Variants in EAF2 observed in about 807,000 individuals in gnomAD.
The protein encoded by EAF2 is ELL-associated factor 2.
A neutral mutation model predicts 29.4 loss-of-function variants in EAF2; 29 were observed. The observed-to-expected ratio is 0.99, with a 90% CI of 0.73 to 1.35. The LOEUF (loss-of-function observed/expected upper bound fraction) is 1.35. Among genes scored for constraint, EAF2 ranks in the 40% most tolerant of loss-of-function variants. EAF2 has a pLI of 0.00. For synonymous variants in EAF2, 103 were observed against 102.5 expected, an observed-to-expected ratio of 1.00 and a Z score of -0.03; for missense variants, 292 against 312.0, an observed-to-expected ratio of 0.94 and a Z score of 0.48.
intron 2 of EAF2, among the ~76,000 whole-genome samples, chr3:121,847,648 G>C (rs116120349): frequency 0.028 from 4,260 of 152,174 alleles, 70 homozygotes; most frequent in Non-Finnish European, 0.043. Flanking sequence ...TGGGGAGAGG[G>C]GGGGAGGAAG....
intron 4 of EAF2, among the ~76,000 whole-genome samples, chr3:121,860,410 G>A (rs1708805340): frequency 6.6e-6 from 1 of 152,124 alleles, no homozygotes; most frequent in South Asian, 2.1e-4. Flanking sequence ...GGGTGTATGT[G>A]TCCAGGAATT....
intron 4 of EAF2, among the ~76,000 whole-genome samples, chr3:121,867,079 G>T (rs1708939432): frequency 6.6e-6 from 1 of 152,192 alleles, no homozygotes; most frequent in African/African-American, 2.4e-5. Context: ...CAGTTTACTT[G>T]TGGATGTATA....
intron 4 of EAF2, among the ~76,000 whole-genome samples, chr3:121,870,099 T>C (rs931825056): frequency 2.6e-5 from 4 of 151,846 alleles, no homozygotes; most frequent in African/African-American, 9.7e-5. Context: ...TACCAAACAT[T>C]TAAAGAGAAT....
intron 2 of EAF2, among the ~76,000 whole-genome samples, chr3:121,852,161 T>A (rs948886811): frequency 5.9e-5 from 9 of 152,240 alleles, no homozygotes; most frequent in African/African-American, 1.4e-4. Context: ...AGCAATTTTT[T>A]AAAAATTAAT....
At chr3:121,847,647 G>A (rs572721466) in intron 2 of EAF2, among the ~76,000 whole-genome samples, 1 of 152,018 alleles carries the variant, frequency 6.6e-6, no homozygotes, top group Non-Finnish European at 1.5e-5. Flanking sequence ...TTGGGGAGAG[G>A]GGGGGAGGAA....
intron 4 of EAF2, 42 bp from the exon 5 acceptor site, chr3:121,872,495 T>A: frequency 7.1e-7 from 1 of 1,415,022 alleles, no homozygotes; most frequent in Non-Finnish European, 9.5e-7. Context: ...TTATTTAGCA[T>A]TTTTTATTTA....
At chr3:121,839,508 A>C (rs1167510040) in intron 1 of EAF2, among the ~76,000 whole-genome samples, 2 of 152,200 alleles carry the variant, frequency 1.3e-5, no homozygotes, top group South Asian at 4.1e-4. Flanking sequence ...TGTCATTTCT[A>C]AGGTTTTAAA....
chr3:121,858,739 T>C (rs928116945), intron 4 of EAF2, among the ~76,000 whole-genome samples: 2 of 152,246 alleles, frequency 1.3e-5, no homozygotes, highest in Non-Finnish European at 2.9e-5. Flanking sequence ...CATGAAGTCC[T>C]TGCCCATGCC....
intron 4 of EAF2, among the ~76,000 whole-genome samples, chr3:121,865,067 G>C (rs1423236187): frequency 1.3e-5 from 2 of 152,004 alleles, no homozygotes; most frequent in Non-Finnish European, 2.9e-5. Flanking sequence ...TTTTTTAATA[G>C]AGGCCTTAAT....
chr3:121,866,862 A>G (rs369180241), intron 4 of EAF2, among the ~76,000 whole-genome samples: 150 of 152,362 alleles, frequency 9.8e-4, no homozygotes, highest in African/African-American at 3.4e-3. Context: ...ATCAAATGTT[A>G]GAATTATCTG....
chr3:121,884,551 C>T (rs935374474), intron 5 of EAF2, among the ~76,000 whole-genome samples: 6 of 151,634 alleles, frequency 4.0e-5, no homozygotes, highest in Non-Finnish European at 8.8e-5. Flanking sequence ...CCTCAGCCTC[C>T]CGAGTAGCTG....
At chr3:121,857,756 T>C (rs1708746948) in intron 4 of EAF2, among the ~76,000 whole-genome samples, 2 of 152,146 alleles carry the variant, frequency 1.3e-5, no homozygotes, top group African/African-American at 4.8e-5. Flanking sequence ...ATGTGGCATG[T>C]TGGTGTGCTG....
chr3:121,862,900 A>C (rs941798722), intron 4 of EAF2, among the ~76,000 whole-genome samples: 2 of 152,094 alleles, frequency 1.3e-5, no homozygotes, highest in Non-Finnish European at 2.9e-5. Flanking sequence ...TCTGTTTGTT[A>C]GTTTTCCTTC....
intron 4 of EAF2, among the ~76,000 whole-genome samples, chr3:121,863,069 A>AG (rs893797069): frequency 2.6e-5 from 4 of 152,078 alleles, no homozygotes; most frequent in African/African-American, 9.7e-5. Context: ...TTCGTCTCAG[A>AG]GGGGCACTTG....
chr3:121,863,509 A>T (rs1708869690), intron 4 of EAF2, among the ~76,000 whole-genome samples: 1 of 152,172 alleles, frequency 6.6e-6, no homozygotes, highest in Non-Finnish European at 1.5e-5. Context: ...CAGGTGCGGG[A>T]TATAATCACC....
intron 5 of EAF2, among the ~76,000 whole-genome samples, chr3:121,875,965 T>C (rs1308498713): frequency 6.6e-6 from 1 of 151,840 alleles, no homozygotes; most frequent in Non-Finnish European, 1.5e-5. Context: ...TTGAGAAGAC[T>C]AAACATTACA....
intron 1 of EAF2, among the ~76,000 whole-genome samples, chr3:121,842,978 T>A (rs1708461565): frequency 6.6e-6 from 1 of 152,234 alleles, no homozygotes; most frequent in Admixed American, 6.5e-5. Flanking sequence ...ATTTTCATAT[T>A]GCTTATGTTA....
chr3:121,852,457 C>T (rs903727432), intron 2 of EAF2, among the ~76,000 whole-genome samples: 4 of 152,160 alleles, frequency 2.6e-5, no homozygotes, highest in East Asian at 3.8e-4. Flanking sequence ...CACATCTAAC[C>T]GTTTTAGAGC....
chr3:121,837,356 C>T (rs1230116468), intron 1 of EAF2: 1 of 151,996 alleles, frequency 6.6e-6, no homozygotes, highest in Non-Finnish European at 1.5e-5. Flanking sequence ...ATAAGGGGGA[C>T]CTAATTTATA....
Sources: gnomAD v4.1 joint callset for allele counts (sites outside exome capture counted in the v4.1 genomes callset) on GRCh38, gnomAD v4.1.1 for gene constraint, MANE v1.5 for transcripts, NCBI Gene and HGNC (gene_info 2026-07-23, HGNC 2026-07-21) for gene names.